SPTY2D1: variants seen among roughly 807,000 people sequenced by gnomAD.
SPTY2D1 encodes SPT2 chromatin protein domain containing 1, also known as protein SPT2 homolog.
Under a neutral mutation model 64.0 loss-of-function variants are expected in SPTY2D1, and 21 were observed. That is an observed-to-expected ratio of 0.33 (90% confidence interval 0.23 to 0.47). SPTY2D1 has a LOEUF of 0.47. Among genes scored for constraint, SPTY2D1 ranks in the 20% least tolerant of loss-of-function variants. The probability of loss-of-function intolerance (pLI) is 1.00; values close to 1 mark genes in which losing one functional copy is unlikely to be tolerated. For synonymous variants in SPTY2D1, 287 were observed against 286.8 expected, an observed-to-expected ratio of 1.00 and a Z score of -0.01; for missense variants, 724 against 837.2, an observed-to-expected ratio of 0.86 and a Z score of 1.67.
At position 18,622,086 on chromosome 11, in the gene SPTY2D1, C is replaced by CAAAAAAAAAAAAAAAAAA. The variant is rs747593791; in HGVS notation, c.61-5115_61-5098dup. ...TGAACAACAGAGTAAGACCCTATCTCAAAAAAAAAAAAAAAAAACCAAAAC... is the reference window on the plus strand; with the variant it reads ...TGAACAACAGAGTAAGACCCTATCTCAAAAAAAAAAAAAAAAAAAAAAAAAAAAAAAAAAAACCAAAAC... On this transcript the variant is annotated intron_variant, in intron 1 of 5. Transcript: ENST00000336349. Among the ~76,000 whole-genome samples, 20 of 11,812 alleles carry CAAAAAAAAAAAAAAAAAA rather than the reference C, an allele frequency of 1.7e-3. 2 individuals are homozygous for CAAAAAAAAAAAAAAAAAA. Among genetic ancestry groups the CAAAAAAAAAAAAAAAAAA allele is most frequent in the Non-Finnish European group, 2.0e-3 (12 of 6,060 alleles). The allele number at this position is 11,812 out of a possible 152,430, so 7.7% of individuals were successfully genotyped here.
rs1390535204 is a variant in SPTY2D1 at position 18,615,983 on chromosome 11, A to G, written c.291T>C (p.Asn97=). 3.7e-6 allele frequency: 6 copies of G among 1,614,032 alleles called. No individual in the cohort carries two copies. The East Asian group carries it at 1.3e-4, about 36-fold the overall frequency. ...TTGACTTTTCCTCAATAGGAATCCCATTGTAACCATGGAAATTATCCTTTG... is the reference window on the plus strand; with the variant it reads ...TTGACTTTTCCTCAATAGGAATCCCGTTGTAACCATGGAAATTATCCTTTG... The part of the protein sequence containing the change: ...KRTKDNFHGY[N]GIPIEEKSKK... The change falls in exon 3 of 6, where the codon AAT becomes AAC. Residue 97 remains asparagine (N), a synonymous_variant. Coordinates refer to ENST00000336349, the MANE Select transcript of SPTY2D1 (RefSeq NM_194285.3).
intron 1 of SPTY2D1, among the ~76,000 whole-genome samples, chr11:18,627,009 AG>A (rs1854509151): frequency 6.6e-6 from 1 of 152,182 alleles, no homozygotes; most frequent in South Asian, 2.1e-4. Flanking sequence ...AGCCCTGAGG[AG>A]GTTGACTTTG....
Position 18,627,102 on chromosome 11 carries a change from A to G in SPTY2D1, c.60+7096T>C, listed in dbSNP as rs900584149. Among the ~76,000 whole-genome samples, 4 of 152,088 alleles carry G rather than the reference A, an allele frequency of 2.6e-5. No individual in the cohort carries two copies. The South Asian group carries it at 8.3e-4, about 32-fold the overall frequency. On this transcript the variant is annotated intron_variant, in intron 1 of 5. Coordinates refer to ENST00000336349, the MANE Select transcript of SPTY2D1 (RefSeq NM_194285.3). ...TTCCTTATTTTTTTGTACCAGGCTC[A>G]GACCACATGGCTGAGATAAAAGACC...
intron 1 of SPTY2D1, among the ~76,000 whole-genome samples, chr11:18,618,779 C>T (rs1040017175): frequency 7.2e-5 from 11 of 152,172 alleles, no homozygotes; most frequent in African/African-American, 1.9e-4. Flanking sequence ...CTGCCAAATA[C>T]GACGTATCTT....
In SPTY2D1 at chr11:18,609,936, T is replaced by C; in HGVS notation, c.1983A>G (p.Gln661=). ...EEAKSLRLGM[Q]EDLEEMRREE... is the part of the protein sequence containing the mutation. ...CACGTCTCATTTCCTCTAAGTCCTC[T>C]TGCATACCCAGTCTTAAGCTGCCAA... The change falls in exon 6 of 6, where the codon CAA becomes CAG. Residue 661 remains glutamine (Q), a synonymous_variant. Coordinates refer to ENST00000336349, the MANE Select transcript of SPTY2D1 (RefSeq NM_194285.3). 4 of 1,614,178 alleles carry C rather than the reference T, an allele frequency of 2.5e-6. No individual in the cohort carries two copies. The highest frequency in any genetic ancestry group is 3.4e-6 in the Non-Finnish European group (4 of 1,180,018).
intron 1 of SPTY2D1, among the ~76,000 whole-genome samples, chr11:18,622,584 T>C (rs968583174): frequency 7.2e-5 from 11 of 152,028 alleles, no homozygotes; most frequent in African/African-American, 2.7e-4. Flanking sequence ...ATTTAATGTA[T>C]ACTATTAAAT....
chr11:18,623,427 A>G (rs756543136), intron 1 of SPTY2D1, among the ~76,000 whole-genome samples: 4 of 152,206 alleles, frequency 2.6e-5, no homozygotes, highest in Non-Finnish European at 5.9e-5. Flanking sequence ...CATTTCATAC[A>G]AATGAAATCG....
At chr11:18,624,869 A>G (rs942500276) in intron 1 of SPTY2D1, among the ~76,000 whole-genome samples, 2 of 152,114 alleles carry the variant, frequency 1.3e-5, no homozygotes, top group African/African-American at 4.8e-5. Flanking sequence ...GGGATGGCGC[A>G]TTGCCTGTAA....
chr11:18,608,592 C>T lies in SPTY2D1; in HGVS notation c.*1269G>A, dbSNP rs1334070133. On this transcript the variant is annotated 3_prime_UTR_variant, in exon 6 of 6. Coordinates refer to ENST00000336349, the MANE Select transcript of SPTY2D1 (RefSeq NM_194285.3). ...ACAAATGCTCTCTAGCATCATATCTCATTTTCTGTTGCTGACAGTTCTTGA... is the reference window on the plus strand; with the variant it reads ...ACAAATGCTCTCTAGCATCATATCTTATTTTCTGTTGCTGACAGTTCTTGA... 2.0e-5 allele frequency: 3 copies of T among 152,194 alleles called. No individual in the cohort carries two copies. Among genetic ancestry groups the T allele is most frequent in the South Asian group, 2.1e-4 (1 of 4,826 alleles). The allele number at this position is 152,194 out of a possible 1,614,324, so 9.4% of individuals were successfully genotyped here.
At chr11:18,611,082 C>T (rs193234835) in intron 5 of SPTY2D1, among the ~76,000 whole-genome samples, 2 of 152,218 alleles carry the variant, frequency 1.3e-5, no homozygotes, top group East Asian at 3.9e-4. Flanking sequence ...ATTGCTTGAG[C>T]CCAGGACTTT....
rs1439565504 is a variant in SPTY2D1 at position 18,615,567 on chromosome 11, T to C, written c.707A>G (p.Glu236Gly). The change falls in exon 3 of 6, where the codon GAA becomes GGA. Residue 236 changes from glutamate to glycine, a missense_variant. This residue lies in a region of SPTY2D1 where 426 missense variants were observed against 431.8 expected (regional missense o/e 0.99). Transcript: ENST00000336349. ...TTTGCTAAGTTTTGTGCCCACACTT[T>C]CTTTCTGAGAGGGTGCCTTTTTGGA... ...TVSKKAPSQK[E>G]SVGTKLSKGS... 3 of 1,614,236 alleles carry C rather than the reference T, an allele frequency of 1.9e-6. No homozygotes were observed. The highest frequency in any genetic ancestry group is 1.1e-5 in the South Asian group (1 of 91,084).
intron 1 of SPTY2D1, among the ~76,000 whole-genome samples, chr11:18,631,715 AT>A (rs1172275478): frequency 6.6e-6 from 1 of 152,174 alleles, no homozygotes; most frequent in Non-Finnish European, 1.5e-5. Context: ...GGAAATGTTA[AT>A]ATGCTAAATA....
rs147903324 is a variant in SPTY2D1 at position 18,623,069 on chromosome 11, T to C, written c.61-6080A>G. Among the ~76,000 whole-genome samples the C allele has an allele frequency of 6.7e-4, 102 of 152,222 alleles. 2 individuals carry two copies. The highest frequency in any genetic ancestry group is 5.7e-3 in the Admixed American group (87 of 15,296). ...TTGACCAGAAGCCTTACTGATAACA[T>C]AGTCAATTAACATACATTTTATGAA... On this transcript the variant is annotated intron_variant, in intron 1 of 5. Coordinates refer to ENST00000336349, the MANE Select transcript of SPTY2D1 (RefSeq NM_194285.3).
chr11:18,619,185 T>G (rs781115017), intron 1 of SPTY2D1, among the ~76,000 whole-genome samples: 1 of 152,180 alleles, frequency 6.6e-6, no homozygotes, highest in Non-Finnish European at 1.5e-5. Flanking sequence ...AGCTTACATT[T>G]TCATTGTGGA....
intron 1 of SPTY2D1, among the ~76,000 whole-genome samples, chr11:18,625,755 TTG>T (rs1491325164): frequency 2.2e-4 from 5 of 22,274 alleles, no homozygotes; most frequent in Non-Finnish European, 3.1e-4. Flanking sequence ...TTTGTAGAGA[TTG>T]GGGGGGGGGT....
At chr11:18,627,647 G>A (rs1018604645) in intron 1 of SPTY2D1, among the ~76,000 whole-genome samples, 2 of 152,166 alleles carry the variant, frequency 1.3e-5, no homozygotes, top group Admixed American at 6.5e-5. Context: ...GGGAGGCCGA[G>A]GGGGGTGGAT....
intron 1 of SPTY2D1, among the ~76,000 whole-genome samples, chr11:18,622,809 G>C (rs575021049): frequency 5.1e-4 from 78 of 151,994 alleles, no homozygotes; most frequent in Admixed American, 8.5e-4. Context: ...AAAATCAGCT[G>C]GGCGTGATGG....
chr11:18,613,530 T>A (rs1455370517), intron 3 of SPTY2D1, among the ~76,000 whole-genome samples: 1 of 152,200 alleles, frequency 6.6e-6, no homozygotes, highest in African/African-American at 2.4e-5. Context: ...AGCATCCCTG[T>A]CCTCTATTCA....
In SPTY2D1 at chr11:18,612,294, T is replaced by C; in HGVS notation, c.1886+20A>G. 1.3e-6 allele frequency: 2 copies of C among 1,566,124 alleles called. No individual in the cohort carries two copies. The highest frequency in any genetic ancestry group is 1.7e-6 in the Non-Finnish European group (2 of 1,159,438). ...ATAAAAAAAGGATGTCATAGTTATC[T>C]GAATCTTCTTTAGTCTTACTTTTTT... On this transcript the variant is annotated intron_variant, in intron 4 of 5. Coordinates refer to ENST00000336349, the MANE Select transcript of SPTY2D1 (RefSeq NM_194285.3). This position sits in a 1 kb window ranked among gnomAD's most constrained non-coding sequence, Gnocchi z 4.6.
Sources: allele counts gnomAD v4.1 joint callset (sites outside exome capture counted in the v4.1 genomes callset), GRCh38; gene constraint gnomAD v4.1.1; regional missense constraint gnomAD v4.1.1; non-coding constraint Gnocchi (gnomAD v3.1); transcripts MANE v1.5; gene names NCBI Gene and HGNC (gene_info 2026-07-23, HGNC 2026-07-21).